EGLN1: variants seen among roughly 807,000 people sequenced by gnomAD.
The protein encoded by EGLN1 is egl-9 family hypoxia inducible factor 1.
Under a neutral mutation model 38.3 loss-of-function variants are expected in EGLN1, and 17 were observed. The observed-to-expected ratio is 0.44, with a 90% CI of 0.30 to 0.67. The LOEUF is 0.67. Among genes scored for constraint, EGLN1 ranks in the 30% least tolerant of loss-of-function variants. The pLI, the probability that EGLN1 is intolerant of heterozygous loss-of-function variation, is 0.08. For synonymous variants in EGLN1, 283 were observed against 257.5 expected (o/e 1.10, Z -0.95); for missense variants, 477 against 603.3 (o/e 0.79, Z 2.19).
chr1:231,373,187 CA>C (rs1249060957), intron 2 of EGLN1, among the ~76,000 whole-genome samples: 1 of 152,082 alleles, frequency 6.6e-6, no homozygotes. Flanking sequence ...CAGGGCTTGT[CA>C]GTACTGATAA....
chr1:231,412,082 C>G (rs772289608), intron 1 of EGLN1, among the ~76,000 whole-genome samples: 62 of 131,248 alleles, frequency 4.7e-4, no homozygotes, highest in Non-Finnish European at 8.1e-4. Flanking sequence ...TTTAATAGTA[C>G]CAGTATTATT....
At chr1:231,375,167 T>A (rs1476308144) in intron 1 of EGLN1, among the ~76,000 whole-genome samples, 1 of 152,210 alleles carries the variant, frequency 6.6e-6, no homozygotes, top group Admixed American at 6.5e-5. Context: ...GCGATTCTCC[T>A]GCCTCGGCCT....
At chr1:231,378,435 A>G (rs917513747) in intron 1 of EGLN1, among the ~76,000 whole-genome samples, 1 of 152,058 alleles carries the variant, frequency 6.6e-6, no homozygotes, top group African/African-American at 2.4e-5. Context: ...TTCTTTTCTG[A>G]TATGAAAATA....
Position 231,366,433 on chromosome 1 carries a change from G to T in EGLN1, c.1259C>A (p.Ser420Ter), listed in dbSNP as rs147839743. The T allele has an allele frequency of 1.9e-6, 3 of 1,613,670 alleles. No homozygotes were observed. Among genetic ancestry groups the T allele is most frequent in the South Asian group, 2.2e-5 (2 of 91,072 alleles). ...GCTCTAGAAGACGTCTTTACCGACC[G>T]AATCTGAAGGTTTATTGAGTTCAAC... ...VRVELNKPSD[S>*]VGKDVF Residue 420 changes from serine (S) to a stop codon, truncating the protein, a stop_gained, in exon 5 of 5, where the codon TCG (serine) becomes TAG (stop). Transcript: ENST00000366641. LOFTEE classifies it high-confidence loss of function.
At position 231,373,968 on chromosome 1, in the gene EGLN1, T is replaced by C; in HGVS notation, c.1011+12A>G. 6.2e-7 allele frequency: 1 copy of C among 1,613,530 alleles called. No homozygotes were observed. Among genetic ancestry groups the C allele is most frequent in the Non-Finnish European group, 8.5e-7 (1 of 1,179,674 alleles). On this transcript the variant is annotated intron_variant, in intron 2 of 4. Coordinates refer to ENST00000366641, the MANE Select transcript of EGLN1 (RefSeq NM_022051.3). ...TGTAAGAAAAAAATAAATGCTCAAT[T>C]AAGTTGCATACCTTGGCATCCCAGT...
At chr1:231,387,803 T>A (rs1688259330) in intron 1 of EGLN1, among the ~76,000 whole-genome samples, 1 of 152,194 alleles carries the variant, frequency 6.6e-6, no homozygotes, top group Admixed American at 6.5e-5. Flanking sequence ...ATACTGTCAG[T>A]AACTACCAAT....
At chr1:231,405,713 C>A (rs1348886676) in intron 1 of EGLN1, among the ~76,000 whole-genome samples, 1 of 152,048 alleles carries the variant, frequency 6.6e-6, no homozygotes, top group African/African-American at 2.4e-5. Context: ...ACTGTTCTCC[C>A]TTTCCCCAGA....
chr1:231,393,548 T>C (rs905380601), intron 1 of EGLN1, among the ~76,000 whole-genome samples: 1 of 152,198 alleles, frequency 6.6e-6, no homozygotes, highest in Non-Finnish European at 1.5e-5. Flanking sequence ...TAAATGACAA[T>C]ATAAACTGCT....
At chr1:231,389,306 G>A (rs559459873) in intron 1 of EGLN1, among the ~76,000 whole-genome samples, 1 of 152,296 alleles carries the variant, frequency 6.6e-6, no homozygotes, top group South Asian at 2.1e-4. Context: ...ATCTTGCAGA[G>A]TAAACTATAA....
At chr1:231,407,503 T>C (rs1362258237) in intron 1 of EGLN1, among the ~76,000 whole-genome samples, 3 of 152,186 alleles carry the variant, frequency 2.0e-5, no homozygotes, top group African/African-American at 7.2e-5. Context: ...TGTTGAACTT[T>C]GCATCTGCTT....
chr1:231,383,865 C>T (rs1034347226), intron 1 of EGLN1, among the ~76,000 whole-genome samples: 1 of 151,968 alleles, frequency 6.6e-6, no homozygotes, highest in African/African-American at 2.4e-5. Context: ...AGATCCCGTA[C>T]TTTTTTTTCT....
chr1:231,380,194 T>C (rs1688048907), intron 1 of EGLN1, among the ~76,000 whole-genome samples: 1 of 150,882 alleles, frequency 6.6e-6, no homozygotes, highest in African/African-American at 2.4e-5. Context: ...CAGATTGTCA[T>C]GAAATAAAGT....
At chr1:231,405,487 C>G (rs893494262) in intron 1 of EGLN1, among the ~76,000 whole-genome samples, 3 of 152,114 alleles carry the variant, frequency 2.0e-5, no homozygotes, top group African/African-American at 7.2e-5. Context: ...AATATAACTA[C>G]TTTTTTAAAA....
At chr1:231,383,712 C>A (rs544117979) in intron 1 of EGLN1, among the ~76,000 whole-genome samples, 11 of 152,220 alleles carry the variant, frequency 7.2e-5, no homozygotes, top group South Asian at 2.1e-4. Flanking sequence ...AAGGCTCTCA[C>A]TGACTCACTG....
At chr1:231,412,062 A>G (rs991390482) in intron 1 of EGLN1, among the ~76,000 whole-genome samples, 1 of 143,312 alleles carries the variant, frequency 7.0e-6, no homozygotes, top group African/African-American at 2.5e-5. Flanking sequence ...CCTGGATAGT[A>G]TATTCTAATT....
At chr1:231,389,719 C>T (rs755805712) in intron 1 of EGLN1, among the ~76,000 whole-genome samples, 1 of 152,130 alleles carries the variant, frequency 6.6e-6, no homozygotes, top group Non-Finnish European at 1.5e-5. Context: ...GGGGCCGAGG[C>T]AGGCGGGTCA....
intron 1 of EGLN1, among the ~76,000 whole-genome samples, chr1:231,385,321 CAG>C (rs1291659925): frequency 6.6e-6 from 1 of 152,112 alleles, no homozygotes; most frequent in African/African-American, 2.4e-5. Flanking sequence ...GTGAGTAGAA[CAG>C]AGAGGAAAAC....
intron 2 of EGLN1, among the ~76,000 whole-genome samples, chr1:231,372,922 A>G (rs533225560): frequency 1.3e-5 from 2 of 152,324 alleles, no homozygotes; most frequent in African/African-American, 4.8e-5. Context: ...AACAACAAAA[A>G]AAGGCACCCT....
chr1:231,383,057 C>CAAAAAAAAAAAA (rs547747077), intron 1 of EGLN1, among the ~76,000 whole-genome samples: 3 of 70,550 alleles, frequency 4.3e-5, no homozygotes, highest in African/African-American at 1.9e-4. Context: ...AACTCTGTCT[C>CAAAAAAAAAAAA]AAAAAAAAAA....
Sources: gnomAD v4.1 joint callset for allele counts (sites outside exome capture counted in the v4.1 genomes callset) on GRCh38, gnomAD v4.1.1 for gene constraint, MANE v1.5 for transcripts, NCBI Gene and HGNC (gene_info 2026-07-23, HGNC 2026-07-21) for gene names.